Variants in BAHD1 observed in about 807,000 individuals in gnomAD.
BAHD1 encodes the protein bromo adjacent homology domain-containing 1 protein.
Under a neutral mutation model 63.1 loss-of-function variants are expected in BAHD1, and 20 were observed. The observed-to-expected ratio is 0.32, with a 90% CI of 0.22 to 0.46. BAHD1 has a LOEUF of 0.46. Among genes scored for constraint, BAHD1 ranks in the 20% least tolerant of loss-of-function variants. BAHD1 has a pLI of 1.00. For synonymous variants in BAHD1, 408 were observed against 426.8 expected (o/e 0.96, Z 0.54); for missense variants, 939 against 1,071.8 (o/e 0.88, Z 1.73).
At chr15:40,442,672 C>T (rs1893437498) in intron 1 of BAHD1, among the ~76,000 whole-genome samples, 1 of 152,214 alleles carries the variant, frequency 6.6e-6, no homozygotes, top group African/African-American at 2.4e-5. Flanking sequence ...CCCGCCAGCC[C>T]TCCGCAGCTG....
chr15:40,453,078 C>T (rs1893752492), intron 1 of BAHD1, among the ~76,000 whole-genome samples: 5 of 152,216 alleles, frequency 3.3e-5, no homozygotes, highest in Admixed American at 2.6e-4. Flanking sequence ...AGCTGCCCTC[C>T]TCTGTCGGGT....
At chr15:40,460,042 T>A in intron 2 of BAHD1, 146 bp downstream of exon 2, 1 of 1,071,604 alleles carries the variant, frequency 9.3e-7, no homozygotes, top group Non-Finnish European at 1.3e-6. Flanking sequence ...AGAACTCCCG[T>A]AGTCTGTGCC....
rs754512676 is a variant in BAHD1 at position 40,458,972 on chromosome 15, C to T, written c.508C>T (p.Arg170Trp). ...TGGGGGCTGGTCCTCCTCCAAGAAG[C>T]GGCCCCGGCTGGGGGACCTTGGAGG... ...ATGGWSSSKK[R>W]PRLGDLGGGS... Residue 170 changes from arginine to tryptophan, a missense_variant, in exon 2 of 7, where the codon CGG (arginine) becomes TGG (tryptophan). This residue lies in a region of BAHD1 where 797 missense variants were observed against 813.3 expected (regional missense o/e 0.98). Transcript: ENST00000416165. The surrounding 1 kb of genome is among the most constrained non-coding windows in gnomAD (Gnocchi z 4.7). 1.6e-5 allele frequency: 25 copies of T among 1,583,960 alleles called. No homozygotes were observed. The highest frequency in any genetic ancestry group is 2.3e-5 in the South Asian group (2 of 87,490).
At chr15:40,465,509 T>C in intron 6 of BAHD1, 74 bp downstream of exon 6, 1 of 1,167,236 alleles carries the variant, frequency 8.6e-7, no homozygotes, top group Non-Finnish European at 1.3e-6. Flanking sequence ...CTGCTTGGAA[T>C]TCCCCGAGAG....
chr15:40,458,410 C>T lies in BAHD1; in HGVS notation c.-14-41C>T. ...GGGAGAGAAAGCAGGCAGGAGCAGG[C>T]CAGAGAGGGCTTCTCTCATTGCCCA... On this transcript the variant is annotated intron_variant, in intron 1 of 6. Coordinates refer to ENST00000416165, the MANE Select transcript of BAHD1 (RefSeq NM_014952.5). The surrounding 1 kb of genome is among the most constrained non-coding windows in gnomAD (Gnocchi z 4.7). 2 of 1,522,776 alleles carry T rather than the reference C, an allele frequency of 1.3e-6. No individual in the cohort carries two copies. The highest frequency in any genetic ancestry group is 1.8e-6 in the Non-Finnish European group (2 of 1,134,552). The allele number at this position is 1,522,776 out of a possible 1,614,324, so 94.3% of individuals were successfully genotyped here.
intron 4 of BAHD1, 86 bp from the exon 5 acceptor site, chr15:40,464,385 C>T (rs1376087081): frequency 4.9e-6 from 6 of 1,218,090 alleles, no homozygotes; most frequent in Non-Finnish European, 7.1e-6. Context: ...GTTGGATGAA[C>T]CTCCAGGGCA....
At chr15:40,464,687 G>A (rs1046652585) in intron 5 of BAHD1, 140 bp downstream of exon 5, 2 of 667,026 alleles carry the variant, frequency 3.0e-6, no homozygotes, top group Non-Finnish European at 5.2e-6. Context: ...AGAGAACCTG[G>A]GAAAGGGCCC....
chr15:40,461,690 T>G (rs1236830829), intron 2 of BAHD1, among the ~76,000 whole-genome samples: 2 of 151,916 alleles, frequency 1.3e-5, no homozygotes, highest in East Asian at 1.9e-4. Flanking sequence ...CACCTCTCTT[T>G]CAGACTAAAA....
chr15:40,442,495 G>C (rs918080157), intron 1 of BAHD1, among the ~76,000 whole-genome samples: 1 of 152,206 alleles, frequency 6.6e-6, no homozygotes, highest in Non-Finnish European at 1.5e-5. Context: ...GACCCAGTGA[G>C]CCGCTGTAGA....
intron 2 of BAHD1, among the ~76,000 whole-genome samples, chr15:40,461,219 C>A (rs552885695): frequency 6.6e-6 from 1 of 152,058 alleles, no homozygotes; most frequent in African/African-American, 2.4e-5. Flanking sequence ...TTAATGTGTT[C>A]GTAAGAAAAC....
intron 4 of BAHD1, 73 bp from the exon 5 acceptor site, chr15:40,464,398 C>A: frequency 7.4e-7 from 1 of 1,352,098 alleles, no homozygotes; most frequent in Non-Finnish European, 1.0e-6. Flanking sequence ...CCAGGGCAGC[C>A]AGCCAGCCTC....
intron 1 of BAHD1, among the ~76,000 whole-genome samples, chr15:40,454,933 C>T (rs1314473448): frequency 6.6e-6 from 1 of 152,128 alleles, no homozygotes; most frequent in Admixed American, 6.5e-5. Context: ...TTGGAGGGGC[C>T]CTGGCAGGCT....
chr15:40,458,315 G>A lies in BAHD1; in HGVS notation c.-14-136G>A. 1 of 1,210,624 alleles carries A rather than the reference G, an allele frequency of 8.3e-7. No homozygotes were observed. The highest frequency in any genetic ancestry group is 1.1e-6 in the Non-Finnish European group (1 of 893,726). The allele number at this position is 1,210,624 out of a possible 1,614,324, so 75.0% of individuals were successfully genotyped here. A position where few individuals can be genotyped will look rare whatever the true frequency, so the allele number is the denominator to read the frequency against. On this transcript the variant is annotated intron_variant, in intron 1 of 6. Transcript: ENST00000416165. This position sits in a 1 kb window ranked among gnomAD's most constrained non-coding sequence, Gnocchi z 4.7. ...TCACACTCTGGAAAGGGAGTCCCAG[G>A]AAAATCCATACTGGAGACAGGGTAG...
intron 1 of BAHD1, among the ~76,000 whole-genome samples, chr15:40,445,534 C>G (rs186675183): frequency 6.6e-6 from 1 of 152,294 alleles, no homozygotes; most frequent in Admixed American, 6.5e-5. Context: ...CCTCAGCACC[C>G]TGTCGCAAGG....
upstream of BAHD1, among the ~76,000 whole-genome samples, chr15:40,440,943 C>A (rs1477648611): frequency 3.3e-5 from 5 of 151,958 alleles, no homozygotes; most frequent in Non-Finnish European, 7.4e-5. Context: ...GCGGAGGCTC[C>A]GCTCTCGGGG....
In BAHD1 at chr15:40,462,031, G is replaced by A. The variant is rs758948377; in HGVS notation, c.1552G>A (p.Val518Ile). 6.7e-5 allele frequency: 107 copies of A among 1,604,316 alleles called. No homozygotes were observed. Among genetic ancestry groups the A allele is most frequent in the Non-Finnish European group, 7.3e-5 (86 of 1,174,962 alleles). The change falls in exon 3 of 7, where the codon GTC becomes ATC. Residue 518 changes from valine (V) to isoleucine (I), a missense_variant. Physicochemically the swap from Val to Ile is conservative, Grantham distance 29. Coordinates refer to ENST00000416165, the MANE Select transcript of BAHD1 (RefSeq NM_014952.5). ...CAGTGTGCCACCTGCAGCAGAGCCC[G>A]TCCCCCATCTTCAGACACCCACCTC... ...VPSVPPAAEP[V>I]PHLQTPTSEP... is the part of the protein sequence containing the mutation.
At chr15:40,442,404 G>A (rs1461751351) in intron 1 of BAHD1, among the ~76,000 whole-genome samples, 1 of 152,026 alleles carries the variant, frequency 6.6e-6, no homozygotes, top group Non-Finnish European at 1.5e-5. Flanking sequence ...ACTTGCCGGG[G>A]GCCGAGGGGC....
intron 1 of BAHD1, among the ~76,000 whole-genome samples, chr15:40,447,860 A>G (rs1202858162): frequency 1.3e-5 from 2 of 152,184 alleles, no homozygotes; most frequent in African/African-American, 4.8e-5. Context: ...TGGATTTACT[A>G]TAAAATCAGG....
chr15:40,443,346 G>A (rs1893454152), intron 1 of BAHD1: 2 of 978,714 alleles, frequency 2.0e-6, no homozygotes, highest in Non-Finnish European at 2.4e-6. Flanking sequence ...CCTCACTCAG[G>A]AGGCTAAAGT....
Sources: allele counts gnomAD v4.1 joint callset (sites outside exome capture counted in the v4.1 genomes callset), GRCh38; gene constraint gnomAD v4.1.1; regional missense constraint gnomAD v4.1.1; non-coding constraint Gnocchi (gnomAD v3.1); transcripts MANE v1.5; gene names NCBI Gene and HGNC (gene_info 2026-07-23, HGNC 2026-07-21).